The following FRMPD2 variants were observed in gnomAD, a reference collection of about 807,000 sequenced individuals.
FRMPD2 encodes the protein FERM and PDZ domain containing 2, also known as FERM and PDZ domain-containing protein 2.
A neutral mutation model predicts 140.1 loss-of-function variants in FRMPD2; 96 were observed. The ratio of observed to expected loss-of-function variants is 0.69; its 90% CI spans 0.58 to 0.81. The LOEUF is 0.81. Among genes scored for constraint, FRMPD2 ranks in the 40% least tolerant of loss-of-function variants. The pLI is 0.00. For missense variants in FRMPD2, 1,240 were observed against 1,447.4 expected (o/e 0.86, Z 2.32); for synonymous variants, 449 against 547.6 (o/e 0.82, Z 2.52).
At chr10:48,218,895 T>C (rs1381665734) in intron 12 of FRMPD2, among the ~76,000 whole-genome samples, 1 of 152,158 alleles carries the variant, frequency 6.6e-6, no homozygotes, top group African/African-American at 2.4e-5. Context: ...CCCTTCAATT[T>C]TGCAAGACAA....
At chr10:48,213,137 C>T (rs910902036) in intron 12 of FRMPD2, among the ~76,000 whole-genome samples, 2 of 152,256 alleles carry the variant, frequency 1.3e-5, no homozygotes, top group Admixed American at 6.5e-5. Context: ...GCACAGTGTC[C>T]ACTACCTCCC....
At chr10:48,214,598 C>T (rs775249334) in intron 12 of FRMPD2, among the ~76,000 whole-genome samples, 4 of 152,146 alleles carry the variant, frequency 2.6e-5, no homozygotes, top group African/African-American at 9.7e-5. Context: ...ATTCTCCAAA[C>T]ATTAAAGTCT....
chr10:48,208,058 TATCATC>T (rs201559648), intron 13 of FRMPD2, among the ~76,000 whole-genome samples: 1 of 151,142 alleles, frequency 6.6e-6, no homozygotes, highest in Non-Finnish European at 1.5e-5. Context: ...TCATCATCAT[TATCATC>T]ATCATCATCA....
At chr10:48,224,366 C>T (rs917028743) in intron 10 of FRMPD2, among the ~76,000 whole-genome samples, 8 of 152,202 alleles carry the variant, frequency 5.3e-5, no homozygotes, top group Non-Finnish European at 1.2e-4. Flanking sequence ...TAGCAGCTTG[C>T]CTGGGCACAG....
intron 9 of FRMPD2, among the ~76,000 whole-genome samples, chr10:48,236,055 GTTT>G (rs1839958977): frequency 7.1e-6 from 1 of 141,440 alleles, no homozygotes; most frequent in African/African-American, 3.0e-5. Context: ...TTGTTTTTTT[GTTT>G]TTGTTTTTTG....
At chr10:48,257,211 A>G (rs1432835749) in intron 1 of FRMPD2, among the ~76,000 whole-genome samples, 4 of 151,050 alleles carry the variant, frequency 2.6e-5, no homozygotes, top group Admixed American at 6.6e-5. Flanking sequence ...TGTAACATTC[A>G]CAGGTTCCAC....
rs1554791107 is a variant in FRMPD2 at position 48,164,778 on chromosome 10, A to AT, written c.3538-1108dup. ...ACCTCCAAAATCTGTTTTCTAACCT[A>AT]TCCTCTCCTTCTAGCTCATTATCCC... On this transcript the variant is annotated intron_variant, in intron 27 of 28. Transcript: ENST00000374201. 6.7e-4 allele frequency among the ~76,000 whole-genome samples: 89 copies of AT among 132,958 alleles called. 1 individual carries two copies. The highest frequency in any genetic ancestry group is 2.4e-3 in the African/African-American group (83 of 34,018). 87.2% of individuals were successfully genotyped at this position (132,958 alleles called of 152,430 possible).
At chr10:48,274,110 C>A (rs1247677579) in intron 1 of FRMPD2, among the ~76,000 whole-genome samples, 2 of 152,190 alleles carry the variant, frequency 1.3e-5, no homozygotes, top group Admixed American at 1.3e-4. Context: ...CTGGGCTACT[C>A]AAATGCTCCA....
intron 12 of FRMPD2, among the ~76,000 whole-genome samples, chr10:48,218,151 TTTC>T (rs1839494333): frequency 6.6e-6 from 1 of 152,140 alleles, no homozygotes; most frequent in Non-Finnish European, 1.5e-5. Context: ...TGTGTCCAAA[TTTC>T]TTCTTCTTAT....
intron 4 of FRMPD2, among the ~76,000 whole-genome samples, chr10:48,243,133 C>T (rs1298403291): frequency 2.0e-5 from 3 of 152,204 alleles, no homozygotes; most frequent in South Asian, 2.1e-4. Flanking sequence ...TAAATCCAGG[C>T]GTCTTTTGTG....
At chr10:48,201,532 G>T in intron 14 of FRMPD2, 148 bp from the exon 15 acceptor site, 1 of 580,388 alleles carries the variant, frequency 1.7e-6, no homozygotes, top group East Asian at 2.9e-5. Flanking sequence ...ACTATGGCCT[G>T]ATATTTTCCT....
At chr10:48,205,516 C>G (rs1414975709) in intron 14 of FRMPD2, among the ~76,000 whole-genome samples, 4 of 152,088 alleles carry the variant, frequency 2.6e-5, no homozygotes, top group Non-Finnish European at 2.9e-5. Context: ...ATTGAAAAAT[C>G]TGAACAATTA....
At chr10:48,256,590 T>G (rs1240325079) in intron 1 of FRMPD2, among the ~76,000 whole-genome samples, 1 of 152,174 alleles carries the variant, frequency 6.6e-6, no homozygotes, top group Non-Finnish European at 1.5e-5. Context: ...GAGACACTCC[T>G]GCATTGGGAC....
chr10:48,205,368 T>C (rs568426695), intron 14 of FRMPD2, among the ~76,000 whole-genome samples: 18 of 152,342 alleles, frequency 1.2e-4, no homozygotes, highest in Admixed American at 2.0e-4. Flanking sequence ...GGGAAATAAA[T>C]ACCTGTAAAA....
chr10:48,188,075 C>A (rs1343069256), intron 16 of FRMPD2, among the ~76,000 whole-genome samples: 1 of 152,148 alleles, frequency 6.6e-6, no homozygotes, highest in Admixed American at 6.5e-5. Flanking sequence ...GGTCTCAGAG[C>A]CCTGGAAAAA....
intron 12 of FRMPD2, among the ~76,000 whole-genome samples, chr10:48,218,454 T>C (rs966495280): frequency 1.6e-4 from 24 of 152,236 alleles, no homozygotes; most frequent in African/African-American, 5.3e-4. Flanking sequence ...ACTTTCTTTT[T>C]GAAGGAGGAA....
At chr10:48,268,496 T>G (rs1465684074) in intron 1 of FRMPD2, among the ~76,000 whole-genome samples, 1 of 152,244 alleles carries the variant, frequency 6.6e-6, no homozygotes, top group Admixed American at 6.5e-5. Context: ...CAAAAACTGT[T>G]AAGTCAAAAT....
intron 28 of FRMPD2, among the ~76,000 whole-genome samples, chr10:48,162,865 C>A (rs1837979356): frequency 7.9e-6 from 1 of 127,052 alleles, no homozygotes; most frequent in East Asian, 2.4e-4. Context: ...GGGAGGATCA[C>A]TTGAGCCCAG....
chr10:48,238,367 C>T (rs557607676), intron 7 of FRMPD2, among the ~76,000 whole-genome samples: 1 of 152,344 alleles, frequency 6.6e-6, no homozygotes, highest in South Asian at 2.1e-4. Context: ...TCGACTTCTC[C>T]ACCCCATGGC....
Sources: gnomAD v4.1 joint callset for allele counts (sites outside exome capture counted in the v4.1 genomes callset) on GRCh38, gnomAD v4.1.1 for gene constraint, MANE v1.5 for transcripts, NCBI Gene and HGNC (gene_info 2026-07-23, HGNC 2026-07-21) for gene names.